ZMIZ1: variants seen among roughly 807,000 people sequenced by gnomAD.
ZMIZ1 encodes zinc finger MIZ domain-containing protein 1.
ZMIZ1 carries 17 observed loss-of-function variants against 113.9 expected under a neutral mutation model. The ratio of observed to expected loss-of-function variants is 0.15; its 90% CI spans 0.10 to 0.22. The LOEUF (loss-of-function observed/expected upper bound fraction) is 0.22. ZMIZ1 is among the 10% of genes least tolerant of loss of function. The pLI, the probability that ZMIZ1 is intolerant of heterozygous loss-of-function variation, is 1.00. For missense variants in ZMIZ1, 1,059 were observed against 1,477.8 expected, an observed-to-expected ratio of 0.72 and a Z score of 4.65; for synonymous variants, 607 against 603.1, an observed-to-expected ratio of 1.01 and a Z score of -0.09.
intron 7 of ZMIZ1, among the ~76,000 whole-genome samples, chr10:79,217,170 T>C (rs1333593837): frequency 6.6e-6 from 1 of 152,170 alleles, no homozygotes; most frequent in Non-Finnish European, 1.5e-5. Flanking sequence ...ACGCCTGTAA[T>C]CCCAGCACTT....
chr10:79,183,988 A>G (rs1369931981), intron 4 of ZMIZ1, among the ~76,000 whole-genome samples: 1 of 152,152 alleles, frequency 6.6e-6, no homozygotes, highest in African/African-American at 2.4e-5. Flanking sequence ...TGTCTACTTC[A>G]TAGGGTTGTT....
intron 23 of ZMIZ1, 73 bp downstream of exon 23, chr10:79,307,644 T>G: frequency 3.3e-6 from 5 of 1,495,286 alleles, no homozygotes; most frequent in Non-Finnish European, 4.6e-6. Flanking sequence ...GGATACCCTG[T>G]TCCCTCCCAG....
chr10:79,208,437 G>A lies in ZMIZ1; in HGVS notation c.162G>A (p.Met54Ile). The A allele has an allele frequency of 6.2e-7, 1 of 1,613,564 alleles. No homozygotes were observed. The highest frequency in any genetic ancestry group is 8.5e-7 in the Non-Finnish European group (1 of 1,179,972). The stretch of plus-strand genomic sequence containing the variant: ...AGCGGCCCTTCGAGCAGAGCCTGAT[G>A]GGCTGTTTGACGGTGAGTCTGCACC... ...AFQRPFEQSL[M>I]GCLTVVSRVA... Residue 54 changes from methionine to isoleucine, a missense_variant, in exon 6 of 25, where the codon ATG (methionine) becomes ATA (isoleucine). Transcript: ENST00000334512.
At chr10:79,278,442 AT>A (rs951337238) in intron 8 of ZMIZ1, among the ~76,000 whole-genome samples, 19 of 144,824 alleles carry the variant, frequency 1.3e-4, no homozygotes, top group African/African-American at 4.7e-4. Context: ...CTTTTTTTTA[AT>A]TTTTTTTAGT....
chr10:79,188,934 T>G (rs1847475559), intron 4 of ZMIZ1, among the ~76,000 whole-genome samples: 1 of 152,204 alleles, frequency 6.6e-6, no homozygotes, highest in Admixed American at 6.5e-5. Context: ...CGGGAATGCT[T>G]CGCTCAGGAG....
At position 79,312,750 on chromosome 10, in the gene ZMIZ1, G is replaced by A. The variant is rs367773918; in HGVS notation, c.*1G>A. The stretch of plus-strand genomic sequence containing the variant: ...CCTGTCTCTATTTGAGAACAACTGA[G>A]GGCCACCCGGTCGGGGCCATCCCTC... On this transcript the variant is annotated 3_prime_UTR_variant, in exon 25 of 25. Coordinates refer to ENST00000334512, the MANE Select transcript of ZMIZ1 (RefSeq NM_020338.4). 23 of 1,613,816 alleles carry A rather than the reference G, an allele frequency of 1.4e-5. No individual in the cohort carries two copies. Among genetic ancestry groups the A allele is most frequent in the Non-Finnish European group, 1.9e-5 (22 of 1,179,782 alleles).
intron 4 of ZMIZ1, among the ~76,000 whole-genome samples, chr10:79,190,414 T>G (rs374377843): frequency 6.6e-5 from 10 of 152,320 alleles, no homozygotes; most frequent in African/African-American, 2.4e-4. Context: ...CTCCGTTTCC[T>G]CATCTGTAAA....
At chr10:79,213,527 C>G (rs1222889862) in intron 6 of ZMIZ1, among the ~76,000 whole-genome samples, 1 of 152,220 alleles carries the variant, frequency 6.6e-6, no homozygotes, top group Non-Finnish European at 1.5e-5. Flanking sequence ...AGCACCCACC[C>G]GGCTGGCCCT....
intron 4 of ZMIZ1, among the ~76,000 whole-genome samples, chr10:79,166,637 T>G (rs1209424447): frequency 2.0e-5 from 3 of 152,242 alleles, no homozygotes; most frequent in Non-Finnish European, 4.4e-5. Context: ...ACCTGGCATC[T>G]CCCTCCAGCA....
chr10:79,286,322 G>C (rs1016303952), intron 8 of ZMIZ1, among the ~76,000 whole-genome samples: 9 of 152,222 alleles, frequency 5.9e-5, no homozygotes, highest in African/African-American at 2.2e-4. Flanking sequence ...CCCGGTGGTG[G>C]TATCTTGAGT....
intron 22 of ZMIZ1, among the ~76,000 whole-genome samples, chr10:79,306,847 A>G (rs1854735087): frequency 6.6e-6 from 1 of 152,182 alleles, no homozygotes; most frequent in South Asian, 2.1e-4. Flanking sequence ...TGAGAGGCCC[A>G]GTGAGGTTAG....
Position 79,144,006 on chromosome 10 carries a change from C to G in ZMIZ1, c.-131+4229C>G, listed in dbSNP as rs527413107. Among the ~76,000 whole-genome samples, 192 of 152,262 alleles carry G rather than the reference C, an allele frequency of 1.3e-3. 1 individual carries two copies. The highest frequency in any genetic ancestry group is 4.0e-3 in the African/African-American group (168 of 41,554). On this transcript the variant is annotated intron_variant, in intron 3 of 24. Coordinates refer to ENST00000334512, the MANE Select transcript of ZMIZ1 (RefSeq NM_020338.4). ...GGGAGATGCCCCTCCAACTCTGCAT[C>G]GGGGACTAGGGCAGCAGCAGCAGCT...
intron 7 of ZMIZ1, among the ~76,000 whole-genome samples, chr10:79,238,664 G>T (rs572183891): frequency 6.6e-6 from 1 of 152,276 alleles, no homozygotes; most frequent in African/African-American, 2.4e-5. Context: ...TCCTTCTCTG[G>T]ATCCTAGACT....
At chr10:79,260,456 C>T (rs1851201288) in intron 7 of ZMIZ1, among the ~76,000 whole-genome samples, 2 of 152,136 alleles carry the variant, frequency 1.3e-5, no homozygotes, top group African/African-American at 4.8e-5. Context: ...GAGTGAATCA[C>T]GTGGCTGTCC....
chr10:79,082,221 C>T (rs1191100410), intron 1 of ZMIZ1, among the ~76,000 whole-genome samples: 2 of 152,266 alleles, frequency 1.3e-5, no homozygotes, highest in African/African-American at 4.8e-5. Flanking sequence ...GGCAGGCACT[C>T]GGTGCCTATG....
chr10:79,072,386 T>C (rs191277838), intron 1 of ZMIZ1, among the ~76,000 whole-genome samples: 512 of 152,314 alleles, frequency 3.4e-3, no homozygotes, highest in Non-Finnish European at 4.9e-3. Context: ...TCCAGAAAAT[T>C]GCAGGGGCAA....
Position 79,312,834 on chromosome 10 carries a change from C to A in ZMIZ1, c.*85C>A. The A allele has an allele frequency of 7.4e-7, 1 of 1,347,540 alleles. No homozygotes were observed. The highest frequency in any genetic ancestry group is 1.1e-6 in the Non-Finnish European group (1 of 949,790). 83.5% of individuals were successfully genotyped at this position (1,347,540 alleles called of 1,614,324 possible). A position where few individuals can be genotyped will look rare whatever the true frequency, so the allele number is the denominator to read the frequency against. ...ACTTTTCCACCTGGGAGCCTGTGCC[C>A]TCAGACCGCCCCGCACCAGAGCCAC... is the stretch of plus-strand genomic sequence containing the variant. On this transcript the variant is annotated 3_prime_UTR_variant, in exon 25 of 25. Coordinates refer to ENST00000334512, the MANE Select transcript of ZMIZ1 (RefSeq NM_020338.4).
At chr10:79,165,962 G>GGGCTCTTCCTGCAGCTCAGC (rs59980849) in intron 4 of ZMIZ1, among the ~76,000 whole-genome samples, 46 of 61,186 alleles carry the variant, frequency 7.5e-4, no homozygotes, top group African/African-American at 1.9e-3. Context: ...GTGTGTGTGT[G>GGGCTCTTCCTGCAGCTCAGC]TGTGTGTGTG....
chr10:79,203,271 G>A (rs187837079), intron 5 of ZMIZ1, among the ~76,000 whole-genome samples: 136 of 152,314 alleles, frequency 8.9e-4, no homozygotes, highest in African/African-American at 3.2e-3. Flanking sequence ...CTTCTTATTA[G>A]CATCGAGCAG....
Sources: allele counts gnomAD v4.1 joint callset (sites outside exome capture counted in the v4.1 genomes callset), GRCh38; gene constraint gnomAD v4.1.1; transcripts MANE v1.5; gene names NCBI Gene and HGNC (gene_info 2026-07-23, HGNC 2026-07-21).